The following HDAC9 variants were observed in gnomAD, a reference collection of about 807,000 sequenced individuals.
HDAC9 encodes MEF-2 interacting transcription repressor (MITR) protein.
Under a neutral mutation model 139.4 loss-of-function variants are expected in HDAC9, and 41 were observed. The ratio of observed to expected loss-of-function variants is 0.29; its 90% CI spans 0.23 to 0.38. The LOEUF is 0.38. Ranked by LOEUF, HDAC9 falls within the 10% of genes least tolerant of loss-of-function variation. The pLI, the probability that HDAC9 is intolerant of heterozygous loss-of-function variation, is 1.00. For synonymous variants in HDAC9, 517 were observed against 476.2 expected, an observed-to-expected ratio of 1.09 and a Z score of -1.12; for missense variants, 1,147 against 1,297.0, an observed-to-expected ratio of 0.88 and a Z score of 1.78.
At chr7:18,551,581 C>A (rs1484519364) in intron 2 of HDAC9, among the ~76,000 whole-genome samples, 3 of 152,144 alleles carry the variant, frequency 2.0e-5, no homozygotes, top group African/African-American at 4.8e-5. Context: ...AAAAGCGATC[C>A]AATTACTAAA....
chr7:18,716,788 A>C (rs1325010457), intron 12 of HDAC9, among the ~76,000 whole-genome samples: 1 of 151,618 alleles, frequency 6.6e-6, no homozygotes, highest in Non-Finnish European at 1.5e-5. Context: ...AAACATACAC[A>C]CTCTCTCCCA....
At chr7:18,914,849 A>G (rs1454315341) in intron 22 of HDAC9, among the ~76,000 whole-genome samples, 1 of 152,126 alleles carries the variant, frequency 6.6e-6, no homozygotes, top group East Asian at 1.9e-4. Context: ...TAGAAGTTAC[A>G]CTATAGAATT....
intron 17 of HDAC9, among the ~76,000 whole-genome samples, chr7:18,803,145 T>C (rs1170216597): frequency 6.6e-6 from 1 of 152,084 alleles, no homozygotes; most frequent in Non-Finnish European, 1.5e-5. Flanking sequence ...GCACACTTTT[T>C]TTCTATTATT....
intron 1 of HDAC9, among the ~76,000 whole-genome samples, chr7:18,408,865 C>T (rs925256429): frequency 2.0e-5 from 3 of 152,132 alleles, no homozygotes; most frequent in African/African-American, 7.2e-5. Flanking sequence ...CAACAAATGA[C>T]ACAGATCTAC....
chr7:18,732,491 G>GTA (rs1251394196), intron 13 of HDAC9, among the ~76,000 whole-genome samples: 1 of 149,962 alleles, frequency 6.7e-6, no homozygotes, highest in East Asian at 2.0e-4. Context: ...GTATATATGT[G>GTA]TATATATGTG....
At chr7:18,537,392 G>C (rs1412634270) in intron 2 of HDAC9, among the ~76,000 whole-genome samples, 1 of 152,040 alleles carries the variant, frequency 6.6e-6, no homozygotes, top group Non-Finnish European at 1.5e-5. Flanking sequence ...AGCTTGTATC[G>C]AATTGCATTT....
intron 21 of HDAC9, among the ~76,000 whole-genome samples, chr7:18,857,196 CT>C (rs1011805365): frequency 4.6e-5 from 7 of 151,330 alleles, no homozygotes; most frequent in African/African-American, 1.5e-4. Flanking sequence ...AATTGCTTCT[CT>C]TTTTTTATTT....
At chr7:18,404,127 C>T (rs1345759205) in intron 1 of HDAC9, among the ~76,000 whole-genome samples, 2 of 152,154 alleles carry the variant, frequency 1.3e-5, no homozygotes, top group Non-Finnish European at 2.9e-5. Context: ...TACGTATCTT[C>T]AAATTTCTTC....
chr7:18,985,576 T>G (rs1016541858), intron 25 of HDAC9, among the ~76,000 whole-genome samples: 50 of 150,916 alleles, frequency 3.3e-4, no homozygotes, highest in African/African-American at 1.1e-3. Context: ...GTCCTTTGGG[T>G]ATATACCCAG....
chr7:18,309,284 G>A (rs1171854608), intron 1 of HDAC9, among the ~76,000 whole-genome samples: 2 of 152,244 alleles, frequency 1.3e-5, no homozygotes, highest in African/African-American at 4.8e-5. Context: ...AATATACCGT[G>A]CCAGTGGCAG....
At chr7:18,463,190 G>A (rs542535908) in intron 1 of HDAC9, among the ~76,000 whole-genome samples, 6 of 151,898 alleles carry the variant, frequency 4.0e-5, no homozygotes, top group African/African-American at 7.2e-5. Flanking sequence ...CTATGTTTAC[G>A]AATGAGATTA....
intron 22 of HDAC9, among the ~76,000 whole-genome samples, chr7:18,890,692 G>T (rs903066708): frequency 6.6e-6 from 1 of 152,164 alleles, no homozygotes; most frequent in Non-Finnish European, 1.5e-5. Flanking sequence ...ATCCATTGTG[G>T]TCGATTACCT....
At chr7:18,323,302 A>G (rs1800169432) in intron 1 of HDAC9, among the ~76,000 whole-genome samples, 1 of 152,180 alleles carries the variant, frequency 6.6e-6, no homozygotes, top group South Asian at 2.1e-4. Flanking sequence ...TCCCTGGTCC[A>G]AAGCTCTATT....
chr7:18,960,750 TCTGAAATACCATC>T (rs1334333400), intron 24 of HDAC9, among the ~76,000 whole-genome samples: 3 of 152,140 alleles, frequency 2.0e-5, no homozygotes, highest in Non-Finnish European at 2.9e-5. Flanking sequence ...TCTTCTTTTA[TCTGAAATACCATC>T]CTCTCCCATC....
intron 1 of HDAC9, among the ~76,000 whole-genome samples, chr7:18,462,665 A>G (rs1428933491): frequency 6.6e-6 from 1 of 151,914 alleles, no homozygotes; most frequent in Non-Finnish European, 1.5e-5. Flanking sequence ...TTTTTATTCA[A>G]ACTTAAGTTG....
At chr7:18,159,721 G>T (rs1787492400) in intron 1 of HDAC9, among the ~76,000 whole-genome samples, 1 of 151,876 alleles carries the variant, frequency 6.6e-6, no homozygotes, top group Admixed American at 6.6e-5. Context: ...GGTTTAATAT[G>T]GATTATTGGA....
At chr7:18,772,822 C>G (rs2519739) in intron 16 of HDAC9, among the ~76,000 whole-genome samples, 1 of 151,894 alleles carries the variant, frequency 6.6e-6, no homozygotes, top group Non-Finnish European at 1.5e-5. Flanking sequence ...GCTGCAAATT[C>G]TGTAAAAAGA....
intron 12 of HDAC9, among the ~76,000 whole-genome samples, chr7:18,718,270 C>G (rs1244627785): frequency 1.3e-5 from 2 of 152,058 alleles, no homozygotes; most frequent in Admixed American, 6.6e-5. Flanking sequence ...CGCGCTCTGT[C>G]CCCCAGGCTG....
chr7:18,533,447 C>T (rs575262907), intron 2 of HDAC9, among the ~76,000 whole-genome samples: 3 of 152,158 alleles, frequency 2.0e-5, no homozygotes, highest in South Asian at 4.1e-4. Flanking sequence ...TTTTTACATA[C>T]CTGAAAATGT....
Sources: allele counts gnomAD v4.1 joint callset (sites outside exome capture counted in the v4.1 genomes callset), GRCh38; gene constraint gnomAD v4.1.1; transcripts MANE v1.5; gene names NCBI Gene and HGNC (gene_info 2026-07-23, HGNC 2026-07-21).